YWHAG: variants seen among roughly 807,000 people sequenced by gnomAD.
YWHAG encodes 14-3-3 protein gamma.
Under a neutral mutation model 23.3 loss-of-function variants are expected in YWHAG, and 1 was observed. The observed-to-expected ratio is 0.04, with a 90% confidence interval of 0.02 to 0.20. The LOEUF (loss-of-function observed/expected upper bound fraction) is 0.20, where lower values mean the gene tolerates loss of function less well. Ranked by LOEUF, YWHAG falls within the 10% of genes least tolerant of loss-of-function variation. The pLI is 1.00. For missense variants in YWHAG, 151 were observed against 338.6 expected, an observed-to-expected ratio of 0.45 and a Z score of 4.35; for synonymous variants, 160 against 144.0, an observed-to-expected ratio of 1.11 and a Z score of -0.80.
chr7:76,327,671 C>G lies in YWHAG; in HGVS notation c.*1906G>C, dbSNP rs1803466407. On this transcript the variant is annotated 3_prime_UTR_variant, in exon 2 of 2. Coordinates refer to ENST00000307630, the MANE Select transcript of YWHAG (RefSeq NM_012479.4). ...TAGGGAAAGCCCCACCTACCCTGCC[C>G]CCCCCCCCCTCCCCCCCCAAATCGT... 2.2e-5 allele frequency: 1 copy of G among 45,600 alleles called. No homozygotes were observed. The highest frequency in any genetic ancestry group is 1.3e-3 in the South Asian group (1 of 746). The allele number at this position is 45,600 out of a possible 1,614,324, so 2.8% of individuals were successfully genotyped here. A position where few individuals can be genotyped will look rare whatever the true frequency, so the allele number is the denominator to read the frequency against.
At chr7:76,349,279 C>CA (rs1233534656) in intron 1 of YWHAG, among the ~76,000 whole-genome samples, 2 of 148,736 alleles carry the variant, frequency 1.3e-5, no homozygotes, top group Non-Finnish European at 3.0e-5. Context: ...GCAGAGCTTG[C>CA]AGTGAGCTGA....
intron 1 of YWHAG, among the ~76,000 whole-genome samples, chr7:76,358,359 A>G (rs529371649): frequency 1.9e-4 from 29 of 152,200 alleles, no homozygotes; most frequent in African/African-American, 6.0e-4. Flanking sequence ...CGCCCAGGCT[A>G]GGAGGAGGGG....
intron 1 of YWHAG, among the ~76,000 whole-genome samples, chr7:76,350,870 G>A (rs909810125): frequency 3.3e-5 from 5 of 151,890 alleles, no homozygotes; most frequent in African/African-American, 7.3e-5. Flanking sequence ...AAGAAAAATC[G>A]TTAAGTTAAA....
chr7:76,329,491 C>CG lies in YWHAG; in HGVS notation c.*85_*86insC. 1.0e-6 allele frequency: 1 copy of CG among 981,326 alleles called. No homozygotes were observed. The highest frequency in any genetic ancestry group is 1.4e-6 in the Non-Finnish European group (1 of 704,828). 60.8% of individuals were successfully genotyped at this position (981,326 alleles called of 1,614,324 possible). A position where few individuals can be genotyped will look rare whatever the true frequency, so the allele number is the denominator to read the frequency against. Reference sequence around the variant, plus strand: ...CCTGGGAAGGTCATCCCTCCCTTTCCCTCCCCCACCCGACCCCCAACTCAT... The same window carrying CG: ...CCTGGGAAGGTCATCCCTCCCTTTCCGCTCCCCCACCCGACCCCCAACTCAT... On this transcript the variant is annotated 3_prime_UTR_variant, in exon 2 of 2. Transcript: ENST00000307630. The surrounding 1 kb of genome is among the most constrained non-coding windows in gnomAD (Gnocchi z 6.1).
chr7:76,348,521 A>G (rs941324379), intron 1 of YWHAG, among the ~76,000 whole-genome samples: 25 of 149,120 alleles, frequency 1.7e-4, no homozygotes, highest in Admixed American at 3.4e-4. Flanking sequence ...CTCCTGCCTC[A>G]GCCTCCCGAG....
At chr7:76,342,487 C>T (rs993861092) in intron 1 of YWHAG, among the ~76,000 whole-genome samples, 1 of 152,174 alleles carries the variant, frequency 6.6e-6, no homozygotes, top group Non-Finnish European at 1.5e-5. Context: ...TTGACTTCTT[C>T]ATATCAAGGC....
chr7:76,346,685 T>C (rs952073624), intron 1 of YWHAG, among the ~76,000 whole-genome samples: 1 of 152,180 alleles, frequency 6.6e-6, no homozygotes, highest in Non-Finnish European at 1.5e-5. Flanking sequence ...CCCTGAAGAC[T>C]AGACCTGACA....
At position 76,337,471 on chromosome 7, in the gene YWHAG, G is replaced by A. The variant is rs530936045; in HGVS notation, c.88-7238C>T. ...ATCCCGTGTGATTTCCCTGGGAGAGGACTCTTGAAAGCTTGCGCCTGGCTT... is the reference window on the plus strand; with the variant it reads ...ATCCCGTGTGATTTCCCTGGGAGAGAACTCTTGAAAGCTTGCGCCTGGCTT... On this transcript the variant is annotated intron_variant, in intron 1 of 1. Coordinates refer to ENST00000307630, the MANE Select transcript of YWHAG (RefSeq NM_012479.4). 2.0e-5 allele frequency among the ~76,000 whole-genome samples: 3 copies of A among 152,008 alleles called. No homozygotes were observed. The South Asian group carries it at 6.3e-4, about 32-fold the overall frequency.
chr7:76,331,632 G>C (rs1175445591), intron 1 of YWHAG, among the ~76,000 whole-genome samples: 1 of 151,802 alleles, frequency 6.6e-6, no homozygotes, highest in Non-Finnish European at 1.5e-5. Flanking sequence ...GCCCAGGGAA[G>C]CCAAAAGACT....
At chr7:76,357,061 T>C (rs1340549956) in intron 1 of YWHAG, among the ~76,000 whole-genome samples, 2 of 152,096 alleles carry the variant, frequency 1.3e-5, no homozygotes, top group African/African-American at 4.8e-5. Context: ...TATGGAAAAA[T>C]TATAAGAGTC....
intron 1 of YWHAG, among the ~76,000 whole-genome samples, chr7:76,332,695 T>C (rs1803562606): frequency 1.3e-5 from 2 of 151,062 alleles, no homozygotes; most frequent in Non-Finnish European, 1.5e-5. Flanking sequence ...TGATTTCTTT[T>C]TTTTTTTTTT....
chr7:76,333,655 A>G (rs973375526), intron 1 of YWHAG, among the ~76,000 whole-genome samples: 1 of 152,170 alleles, frequency 6.6e-6, no homozygotes, highest in African/African-American at 2.4e-5. Context: ...CTGAAAAAAA[A>G]CTGCCCAGAC....
rs570349322 is a variant in YWHAG at position 76,335,420 on chromosome 7, CTA to C, written c.88-5189_88-5188del. Among the ~76,000 whole-genome samples the C allele has an allele frequency of 2.5e-3, 381 of 152,312 alleles. 3 individuals carry two copies. The highest frequency in any genetic ancestry group is 0.017 in the Middle Eastern group (5 of 294). The stretch of plus-strand genomic sequence containing the variant: ...CTGTAGGTAAAATGGTTAGAAAAAT[CTA>C]TGTTATTCTCACCAACAGTTTAAAA... On this transcript the variant is annotated intron_variant, in intron 1 of 1. Coordinates refer to ENST00000307630, the MANE Select transcript of YWHAG (RefSeq NM_012479.4).
In YWHAG at chr7:76,327,681, TCCC is replaced by T. The variant is rs1213979620; in HGVS notation, c.*1893_*1895del. On this transcript the variant is annotated 3_prime_UTR_variant, in exon 2 of 2. Coordinates refer to ENST00000307630, the MANE Select transcript of YWHAG (RefSeq NM_012479.4). ...CCCACCTACCCTGCCCCCCCCCCCCTCCCCCCCCAAATCGTCTTCCTCCCATGG... is the reference window on the plus strand; with the variant it reads ...CCCACCTACCCTGCCCCCCCCCCCCTCCCCCAAATCGTCTTCCTCCCATGG... 1 of 30,786 alleles carries T rather than the reference TCCC, an allele frequency of 3.2e-5. No individual in the cohort carries two copies. Among genetic ancestry groups the T allele is most frequent in the Middle Eastern group, 0.016 (1 of 64 alleles). 1.9% of individuals were successfully genotyped at this position (30,786 alleles called of 1,614,324 possible).
intron 1 of YWHAG, among the ~76,000 whole-genome samples, chr7:76,357,965 T>C (rs975730060): frequency 2.0e-5 from 3 of 152,200 alleles, no homozygotes; most frequent in Non-Finnish European, 4.4e-5. Context: ...AGGCAATACC[T>C]ACCCTTTTCA....
At chr7:76,345,289 C>T (rs1563666170) in intron 1 of YWHAG, among the ~76,000 whole-genome samples, 1 of 151,572 alleles carries the variant, frequency 6.6e-6, no homozygotes, top group South Asian at 2.1e-4. Flanking sequence ...GGGTTCACAC[C>T]ATTCTCCTGT....
At chr7:76,345,961 G>GT (rs1395883890) in intron 1 of YWHAG, among the ~76,000 whole-genome samples, 1 of 151,996 alleles carries the variant, frequency 6.6e-6, no homozygotes, top group Non-Finnish European at 1.5e-5. Flanking sequence ...TTAAAAATAA[G>GT]TAAGTAAATA....
rs1443759218 is a variant in YWHAG, at chr7:76,329,706, G to A, written c.615C>T (p.Ile205=). Residue 205 remains isoleucine, a synonymous_variant, in exon 2 of 2, where the codon ATC becomes ATT. Transcript: ENST00000307630. This position sits in a 1 kb window ranked among gnomAD's most constrained non-coding sequence, Gnocchi z 6.1. ...HLAKTAFDDA[I]AELDTLNEDS... is the part of the protein sequence containing the mutation. The stretch of plus-strand genomic sequence containing the variant: ...CCTCGTTGAGGGTGTCAAGCTCGGC[G>A]ATGGCGTCGTCGAACGCGGTCTTGG... The A allele has an allele frequency of 5.0e-6, 8 of 1,614,114 alleles. No individual in the cohort carries two copies. Among genetic ancestry groups the A allele is most frequent in the Middle Eastern group, 1.6e-4 (1 of 6,084 alleles).
At position 76,329,336 on chromosome 7, in the gene YWHAG, C is replaced by G; in HGVS notation, c.*241G>C. 3.9e-6 allele frequency: 2 copies of G among 516,192 alleles called. No homozygotes were observed. The highest frequency in any genetic ancestry group is 5.8e-5 in the South Asian group (2 of 34,236). 32.0% of individuals were successfully genotyped at this position (516,192 alleles called of 1,614,324 possible). A position where few individuals can be genotyped will look rare whatever the true frequency, so the allele number is the denominator to read the frequency against. Reference sequence around the variant, plus strand: ...AGACAGCTCCACTTGCATGAATCTACAGAACAGTCCAGACGCCAGTGTGAG... The same window carrying G: ...AGACAGCTCCACTTGCATGAATCTAGAGAACAGTCCAGACGCCAGTGTGAG... On this transcript the variant is annotated 3_prime_UTR_variant, in exon 2 of 2. Coordinates refer to ENST00000307630, the MANE Select transcript of YWHAG (RefSeq NM_012479.4). The surrounding 1 kb of genome is among the most constrained non-coding windows in gnomAD (Gnocchi z 6.1).
Sources: gnomAD v4.1 joint callset for allele counts (sites outside exome capture counted in the v4.1 genomes callset) on GRCh38, gnomAD v4.1.1 for gene constraint, Gnocchi (gnomAD v3.1) non-coding constraint, MANE v1.5 for transcripts, NCBI Gene and HGNC (gene_info 2026-07-23, HGNC 2026-07-21) for gene names.